PPM1E: variants seen among roughly 807,000 people sequenced by gnomAD.
PPM1E encodes protein phosphatase, Mg2+/Mn2+ dependent 1E, also known as protein phosphatase 1E.
A neutral mutation model predicts 65.9 loss-of-function variants in PPM1E; 20 were observed. The observed-to-expected ratio is 0.30, with a 90% CI of 0.21 to 0.44. The LOEUF is 0.44. PPM1E is among the 20% of genes least tolerant of loss of function. The pLI is 1.00. For missense variants in PPM1E, 713 were observed against 953.1 expected (o/e 0.75, Z 3.32); for synonymous variants, 352 against 374.9 (o/e 0.94, Z 0.70).
chr17:58,787,286 TCC>T (rs966670519), intron 1 of PPM1E, among the ~76,000 whole-genome samples: 2 of 152,206 alleles, frequency 1.3e-5, no homozygotes, highest in African/African-American at 4.8e-5. Flanking sequence ...ATGGCAAGAT[TCC>T]CACAGTAATA....
chr17:58,836,239 G>A (rs565543851), intron 1 of PPM1E, among the ~76,000 whole-genome samples: 1 of 151,914 alleles, frequency 6.6e-6, no homozygotes, highest in East Asian at 1.9e-4. Context: ...TTTATCTTTT[G>A]TGTTACCCAG....
chr17:58,757,693 T>A (rs565889746), intron 1 of PPM1E, among the ~76,000 whole-genome samples: 2 of 152,360 alleles, frequency 1.3e-5, no homozygotes, highest in Admixed American at 6.5e-5. Context: ...ATCATTCTCC[T>A]GTTAAAGCAG....
intron 1 of PPM1E, among the ~76,000 whole-genome samples, chr17:58,938,560 G>A (rs900296948): frequency 1.3e-5 from 2 of 152,204 alleles, no homozygotes; most frequent in East Asian, 3.9e-4. Flanking sequence ...TGATTTCTGA[G>A]TATCTGAGGT....
intron 1 of PPM1E, among the ~76,000 whole-genome samples, chr17:58,886,160 T>C (rs2051263516): frequency 6.6e-6 from 1 of 152,242 alleles, no homozygotes; most frequent in Admixed American, 6.5e-5. Context: ...TCTATTTGAT[T>C]GTCCTTGAGG....
chr17:58,769,799 G>A (rs2049918197), intron 1 of PPM1E, among the ~76,000 whole-genome samples: 1 of 152,110 alleles, frequency 6.6e-6, no homozygotes, highest in Non-Finnish European at 1.5e-5. Flanking sequence ...GGCTGAGGCA[G>A]GCAGATCACT....
chr17:58,916,224 G>C (rs868585128), intron 1 of PPM1E, among the ~76,000 whole-genome samples: 2 of 152,180 alleles, frequency 1.3e-5, no homozygotes, highest in Non-Finnish European at 2.9e-5. Flanking sequence ...GCTATTAGCT[G>C]CTCCTTACAG....
At chr17:58,851,032 C>T (rs2050821048) in intron 1 of PPM1E, among the ~76,000 whole-genome samples, 1 of 152,170 alleles carries the variant, frequency 6.6e-6, no homozygotes, top group Non-Finnish European at 1.5e-5. Flanking sequence ...ATTTGATCTT[C>T]AGTCACTGAT....
intron 1 of PPM1E, among the ~76,000 whole-genome samples, chr17:58,941,691 CAA>C (rs772567524): frequency 1.1e-4 from 7 of 63,058 alleles, no homozygotes; most frequent in Admixed American, 2.0e-4. Flanking sequence ...GACTCCATCT[CAA>C]AAAAAAAAAA....
At chr17:58,929,092 G>GC (rs1407100736) in intron 1 of PPM1E, among the ~76,000 whole-genome samples, 1 of 152,030 alleles carries the variant, frequency 6.6e-6, no homozygotes, top group Non-Finnish European at 1.5e-5. Context: ...TAAATAAACT[G>GC]CAGTATGTTA....
At chr17:58,925,125 T>C (rs2051807966) in intron 1 of PPM1E, among the ~76,000 whole-genome samples, 1 of 152,200 alleles carries the variant, frequency 6.6e-6, no homozygotes, top group African/African-American at 2.4e-5. Context: ...ATGGTATTTC[T>C]GGTTCTAGAT....
intron 1 of PPM1E, among the ~76,000 whole-genome samples, chr17:58,800,887 G>C (rs1405314157): frequency 6.6e-6 from 1 of 151,984 alleles, no homozygotes; most frequent in Non-Finnish European, 1.5e-5. Flanking sequence ...CCAACTTTTG[G>C]CTTTATTAAT....
chr17:58,955,957 T>C (rs1291814074), intron 2 of PPM1E, among the ~76,000 whole-genome samples, 190 bp downstream of exon 2: 1 of 151,968 alleles, frequency 6.6e-6, no homozygotes, highest in Non-Finnish European at 1.5e-5. Context: ...AAGAGAAAAA[T>C]ACATGTGTAT....
chr17:58,832,480 TAGAG>T (rs527399563), intron 1 of PPM1E, among the ~76,000 whole-genome samples: 5 of 152,266 alleles, frequency 3.3e-5, no homozygotes, highest in Middle Eastern at 6.8e-3. Flanking sequence ...CTTCTATATA[TAGAG>T]AGAGAGACCT....
intron 2 of PPM1E, among the ~76,000 whole-genome samples, chr17:58,960,218 G>T (rs950783940): frequency 6.6e-6 from 1 of 152,140 alleles, no homozygotes; most frequent in Admixed American, 6.6e-5. Flanking sequence ...AGTATGACTT[G>T]CTAGGAACCC....
At chr17:58,837,346 C>CACACACAT (rs1416628734) in intron 1 of PPM1E, among the ~76,000 whole-genome samples, 1 of 150,112 alleles carries the variant, frequency 6.7e-6, no homozygotes, top group Admixed American at 6.7e-5. Flanking sequence ...CACACACACA[C>CACACACAT]ACACACACAC....
intron 1 of PPM1E, among the ~76,000 whole-genome samples, chr17:58,943,385 G>A (rs776092338): frequency 5.3e-5 from 8 of 152,150 alleles, no homozygotes; most frequent in Non-Finnish European, 1.2e-4. Flanking sequence ...TGTGACACTT[G>A]ATGAACTAAA....
intron 1 of PPM1E, among the ~76,000 whole-genome samples, chr17:58,817,774 C>G (rs1291031239): frequency 6.7e-6 from 1 of 150,078 alleles, no homozygotes; most frequent in Non-Finnish European, 1.5e-5. Context: ...TTTTTTGAGA[C>G]AGAGTCTTGC....
chr17:58,827,678 G>T (rs866109535), intron 1 of PPM1E, among the ~76,000 whole-genome samples: 1 of 149,200 alleles, frequency 6.7e-6, no homozygotes, highest in African/African-American at 2.5e-5. Context: ...CGAGGAGGGC[G>T]GATCACGAGG....
In PPM1E at chr17:58,983,081, A is replaced by C; in HGVS notation, c.*2050A>C. 4.9e-6 allele frequency: 3 copies of C among 615,010 alleles called. No homozygotes were observed. Among genetic ancestry groups the C allele is most frequent in the South Asian group, 2.3e-5 (1 of 43,170 alleles). 38.1% of individuals were successfully genotyped at this position (615,010 alleles called of 1,614,324 possible). A position where few individuals can be genotyped will look rare whatever the true frequency, so the allele number is the denominator to read the frequency against. ...GGGTAAAGGGAAAAAGTTACTACAC[A>C]TGCTAGGCTTTCTCAGTGGGGAAAA... On this transcript the variant is annotated 3_prime_UTR_variant, in exon 7 of 7. Transcript: ENST00000308249.
Sources: gnomAD v4.1 joint callset for allele counts (sites outside exome capture counted in the v4.1 genomes callset) on GRCh38, gnomAD v4.1.1 for gene constraint, MANE v1.5 for transcripts, NCBI Gene and HGNC (gene_info 2026-07-23, HGNC 2026-07-21) for gene names.